Variants in SHANK2 observed in about 807,000 individuals in gnomAD.
The protein encoded by SHANK2 is SH3 and multiple ankyrin repeat domains 2, also known as SH3 and multiple ankyrin repeat domains protein 2.
SHANK2 carries 43 observed loss-of-function variants against 133.7 expected under a neutral mutation model. The observed-to-expected ratio is 0.32, with a 90% CI of 0.25 to 0.41. SHANK2 has a LOEUF of 0.41. Ranked by LOEUF, SHANK2 falls within the 10% of genes least tolerant of loss-of-function variation. SHANK2 has a pLI of 1.00. For missense variants in SHANK2, 1,994 were observed against 2,235.8 expected, an observed-to-expected ratio of 0.89 and a Z score of 2.18; for synonymous variants, 1,017 against 952.8, an observed-to-expected ratio of 1.07 and a Z score of -1.24.
chr11:70,621,989 C>T (rs1482427818), intron 17 of SHANK2, among the ~76,000 whole-genome samples: 16 of 152,202 alleles, frequency 1.1e-4, no homozygotes, highest in African/African-American at 3.4e-4. Context: ...TCTGTCCACA[C>T]GGTGCCGGGA....
chr11:71,128,994 G>T (rs145451251), intron 3 of SHANK2, among the ~76,000 whole-genome samples: 1 of 152,110 alleles, frequency 6.6e-6, no homozygotes, highest in Non-Finnish European at 1.5e-5. Flanking sequence ...CATGTTGACC[G>T]GGATGGTCTT....
intron 17 of SHANK2, among the ~76,000 whole-genome samples, chr11:70,653,223 T>C (rs2061358952): frequency 6.6e-6 from 1 of 152,166 alleles, no homozygotes; most frequent in Non-Finnish European, 1.5e-5. Context: ...TCCGCCTGCC[T>C]TGGCCTCCCA....
intron 15 of SHANK2, among the ~76,000 whole-genome samples, chr11:70,683,289 G>T (rs1945067941): frequency 6.6e-6 from 1 of 151,914 alleles, no homozygotes; most frequent in Non-Finnish European, 1.5e-5. Context: ...CTTTTCCTTA[G>T]TCCTAACCTT....
At chr11:70,551,015 CT>C (rs1457201011) in intron 17 of SHANK2, among the ~76,000 whole-genome samples, 1 of 152,198 alleles carries the variant, frequency 6.6e-6, no homozygotes, top group Non-Finnish European at 1.5e-5. Flanking sequence ...GGCGATGCCC[CT>C]GAGGGCCAAG....
chr11:70,619,619 C>T (rs782362706), intron 17 of SHANK2, among the ~76,000 whole-genome samples: 1 of 152,218 alleles, frequency 6.6e-6, no homozygotes, highest in Non-Finnish European at 1.5e-5. Context: ...ACGTGGACAT[C>T]TTGGGGACCC....
intron 10 of SHANK2, among the ~76,000 whole-genome samples, chr11:70,913,683 A>T (rs1950227060): frequency 2.6e-5 from 4 of 152,190 alleles, no homozygotes; most frequent in Admixed American, 2.6e-4. Context: ...GCTAAAAGAG[A>T]AGATTCTGAG....
intron 10 of SHANK2, among the ~76,000 whole-genome samples, chr11:70,923,580 A>G (rs782198153): frequency 3.3e-5 from 5 of 151,828 alleles, no homozygotes; most frequent in Non-Finnish European, 5.9e-5. Context: ...ATCCCACTCT[A>G]TCGCCCAGGC....
intron 12 of SHANK2, among the ~76,000 whole-genome samples, chr11:70,808,831 G>C (rs193095841): frequency 1.1e-4 from 16 of 152,270 alleles, no homozygotes; most frequent in African/African-American, 3.6e-4. Flanking sequence ...CTCACTGTGA[G>C]CGTCAGTCAC....
intron 17 of SHANK2, among the ~76,000 whole-genome samples, chr11:70,563,095 TC>T (rs1554981194): frequency 6.6e-6 from 1 of 152,166 alleles, no homozygotes; most frequent in Non-Finnish European, 1.5e-5. Flanking sequence ...GGTCTCGATC[TC>T]TTGATCTCGT....
chr11:70,830,965 G>A lies in SHANK2; in HGVS notation c.1175-10283C>T, dbSNP rs949212446. Among the ~76,000 whole-genome samples the A allele has an allele frequency of 7.9e-5, 12 of 152,270 alleles. No homozygotes were observed. The highest frequency in any genetic ancestry group is 2.1e-4 in the South Asian group (1 of 4,820). On this transcript the variant is annotated intron_variant, in intron 11 of 25. Transcript: ENST00000601538. This position sits in a 1 kb window ranked among gnomAD's most constrained non-coding sequence, Gnocchi z 4.4. ...CCCACTGTTCCTATAGGGGTCCTGC[G>A]TGGAGGGCCTACAACGACCCTGGAG...
chr11:71,176,443 T>C (rs1555113126), intron 2 of SHANK2, among the ~76,000 whole-genome samples: 1 of 152,182 alleles, frequency 6.6e-6, no homozygotes, highest in African/African-American at 2.4e-5. Context: ...AAAATACCAA[T>C]GTTATAATTA....
chr11:70,738,267 C>T (rs543818672), intron 14 of SHANK2, among the ~76,000 whole-genome samples: 9 of 152,358 alleles, frequency 5.9e-5, no homozygotes, highest in Admixed American at 2.6e-4. Flanking sequence ...CCGAGGAAAC[C>T]GCGTCTGGCC....
chr11:70,658,241 A>T (rs1300967271), intron 17 of SHANK2, among the ~76,000 whole-genome samples: 1 of 67,722 alleles, frequency 1.5e-5, no homozygotes, highest in East Asian at 3.4e-4. Context: ...ACACACACAC[A>T]CACAGACACA....
In SHANK2 at chr11:71,078,935, C is replaced by T. The variant is rs1048556394; in HGVS notation, c.913-3660G>A. On this transcript the variant is annotated intron_variant, in intron 8 of 25. Transcript: ENST00000601538. Reference sequence around the variant, plus strand: ...CACAGCTGCTTCAATAAAGGTTTTGCCAACATCACCATCCTGCCCTTGAAT... The same window carrying T: ...CACAGCTGCTTCAATAAAGGTTTTGTCAACATCACCATCCTGCCCTTGAAT... Among the ~76,000 whole-genome samples, 116 of 152,350 alleles carry T rather than the reference C, an allele frequency of 7.6e-4. 1 individual carries two copies. In the East Asian group the frequency reaches 0.021, roughly 28 times the overall value.
At chr11:70,786,712 C>A (rs1947661426) in intron 14 of SHANK2, among the ~76,000 whole-genome samples, 2 of 152,084 alleles carry the variant, frequency 1.3e-5, no homozygotes, top group Non-Finnish European at 2.9e-5. Context: ...AAGCCAGGAA[C>A]CTCCTCCAAA....
At chr11:71,108,359 C>T (rs1218568489) in intron 6 of SHANK2, among the ~76,000 whole-genome samples, 1 of 152,158 alleles carries the variant, frequency 6.6e-6, no homozygotes, top group Admixed American at 6.5e-5. Flanking sequence ...TGAGCTCAGG[C>T]CTCTCTGCTT....
intron 17 of SHANK2, among the ~76,000 whole-genome samples, chr11:70,538,388 G>T (rs1321497206): frequency 6.6e-6 from 1 of 152,262 alleles, no homozygotes; most frequent in Non-Finnish European, 1.5e-5. Context: ...AGTGGACACT[G>T]CTTGCCAGGC....
At chr11:71,092,325 G>A in intron 8 of SHANK2, 97 bp downstream of exon 8, 1 of 1,337,522 alleles carries the variant, frequency 7.5e-7, no homozygotes, top group East Asian at 2.5e-5. Context: ...CTGAAGGCAG[G>A]ATCTAACCTT....
At chr11:70,716,132 C>T (rs560396339) in intron 14 of SHANK2, among the ~76,000 whole-genome samples, 2 of 152,330 alleles carry the variant, frequency 1.3e-5, no homozygotes, top group Admixed American at 6.5e-5. Flanking sequence ...TTAGGGCCCT[C>T]TTTGTGGTCG....
Sources: allele counts gnomAD v4.1 joint callset (sites outside exome capture counted in the v4.1 genomes callset), GRCh38; gene constraint gnomAD v4.1.1; non-coding constraint Gnocchi (gnomAD v3.1); transcripts MANE v1.5; gene names NCBI Gene and HGNC (gene_info 2026-07-23, HGNC 2026-07-21).